The following NUDC variants were observed in gnomAD, a reference collection of about 807,000 sequenced individuals.
NUDC encodes nuclear migration protein nudC.
A neutral mutation model predicts 45.0 loss-of-function variants in NUDC; 14 were observed. The observed-to-expected ratio is 0.31, with a 90% CI of 0.21 to 0.49. The LOEUF (loss-of-function observed/expected upper bound fraction) is 0.49. Ranked by LOEUF, NUDC falls within the 20% of genes least tolerant of loss-of-function variation. NUDC has a pLI of 0.99. For missense variants in NUDC, 323 were observed against 426.2 expected (o/e 0.76, Z 2.13); for synonymous variants, 153 against 156.7 (o/e 0.98, Z 0.17).
At chr1:26,936,869 G>A (rs1291496870) in intron 2 of NUDC, among the ~76,000 whole-genome samples, 2 of 152,044 alleles carry the variant, frequency 1.3e-5, no homozygotes, top group East Asian at 3.9e-4. Flanking sequence ...CACCAACTGG[G>A]TATCCTACAA....
rs1413023028 is a variant in NUDC, at chr1:26,946,181, G to T, written c.996G>T (p.Ter332TyrextTer7). Residue 332 changes from the stop codon to tyrosine, a stop_lost, in exon 9 of 9, where the codon TAG becomes TAT. Transcript: ENST00000321265. The stretch of plus-strand genomic sequence containing the variant: ...ATTTTTCCAAGGCTAAATTCAACTA[G>T]CCCCTGTTTTTTCCTCCCTGAACTC... ...EMDFSKAKFN[*>Y] 6.2e-7 allele frequency: 1 copy of T among 1,612,544 alleles called. No homozygotes were observed. Among genetic ancestry groups the T allele is most frequent in the Admixed American group, 1.7e-5 (1 of 60,004 alleles).
At chr1:26,909,453 G>A (rs1455626423) in intron 2 of NUDC, among the ~76,000 whole-genome samples, 4 of 152,122 alleles carry the variant, frequency 2.6e-5, no homozygotes, top group Non-Finnish European at 5.9e-5. Flanking sequence ...CTGTTTGGAT[G>A]ATGGAAAAAA....
chr1:26,929,617 T>C (rs1350545879), intron 2 of NUDC: 4 of 275,290 alleles, frequency 1.5e-5, no homozygotes, highest in South Asian at 9.2e-5. Context: ...GGAACAAATC[T>C]TCGTGGGTAC....
rs570353327 is a variant in NUDC, at chr1:26,908,584, G to T, written c.-15-2544G>T. On this transcript the variant is annotated intron_variant, in intron 2 of 6. Transcript: ENST00000435827. Reference sequence around the variant, plus strand: ...TTGTTTTTTTATTTGTTTTGAGACAGGGTCTTGCTCTGTCACCCAGGCTGG... The same window carrying T: ...TTGTTTTTTTATTTGTTTTGAGACATGGTCTTGCTCTGTCACCCAGGCTGG... 2.6e-5 allele frequency among the ~76,000 whole-genome samples: 4 copies of T among 152,196 alleles called. No individual in the cohort carries two copies. In the South Asian group the frequency reaches 8.3e-4, roughly 32 times the overall value.
chr1:26,939,047 C>G (rs2082257244), intron 2 of NUDC, among the ~76,000 whole-genome samples: 1 of 152,164 alleles, frequency 6.6e-6, no homozygotes, highest in African/African-American at 2.4e-5. Flanking sequence ...GTTACCCAGG[C>G]TGGTGGCGCG....
intron 2 of NUDC, among the ~76,000 whole-genome samples, chr1:26,933,432 T>G (rs978750408): frequency 6.6e-6 from 1 of 152,068 alleles, no homozygotes; most frequent in Admixed American, 6.6e-5. Flanking sequence ...GTTTTTGTTT[T>G]AAGACAGTAT....
intron 1 of NUDC, chr1:26,900,421 C>A (rs146227320): frequency 4.9e-4 from 792 of 1,610,090 alleles, no homozygotes; most frequent in Non-Finnish European, 6.4e-4. Context: ...GCCTCCTCCT[C>A]CGCCTCGCCG....
chr1:26,921,124 TA>T (rs1318952390), upstream of NUDC, among the ~76,000 whole-genome samples: 1 of 152,186 alleles, frequency 6.6e-6, no homozygotes, highest in Non-Finnish European at 1.5e-5. Flanking sequence ...GTCCCCGCAT[TA>T]ACAGAAGTGA....
chr1:26,929,406 G>GA (rs201534196), intron 2 of NUDC, among the ~76,000 whole-genome samples: 40 of 134,230 alleles, frequency 3.0e-4, no homozygotes, highest in African/African-American at 9.5e-4. Context: ...GACCCCTTCT[G>GA]AAAAAACAAA....
intron 4 of NUDC, 124 bp from the exon 5 acceptor site, chr1:26,942,536 A>G (rs1270443667): frequency 7.1e-6 from 10 of 1,402,330 alleles, no homozygotes; most frequent in Non-Finnish European, 9.1e-6. Flanking sequence ...TGGAGTGGGC[A>G]GGGACCAGGT....
intron 2 of NUDC, among the ~76,000 whole-genome samples, chr1:26,910,134 C>T (rs569793177): frequency 6.6e-6 from 1 of 152,240 alleles, no homozygotes; most frequent in African/African-American, 2.4e-5. Flanking sequence ...CACTGTGTGC[C>T]CCACCCTCAG....
At position 26,942,937 on chromosome 1, in the gene NUDC, C is replaced by T. The variant is rs773981016; in HGVS notation, c.613C>T (p.Arg205Trp). The part of the protein sequence containing the change: ...GKDMVVDIQR[R>W]HLRVGLKGQP... ...GGACATGGTGGTGGACATCCAGCGG[C>T]GGCACCTCCGGGTGGGGCTCAAGGG... Residue 205 changes from arginine to tryptophan, a missense_variant, in exon 6 of 9, where the codon CGG becomes TGG. This residue lies in a region of NUDC where 245 missense variants were observed against 278.8 expected (regional missense o/e 0.88). Transcript: ENST00000321265. 6.2e-6 allele frequency: 10 copies of T among 1,613,998 alleles called. No homozygotes were observed. The highest frequency in any genetic ancestry group is 3.3e-5 in the Admixed American group (2 of 60,002).
In NUDC at chr1:26,946,298, A is replaced by G. The variant is rs930994155; in HGVS notation, c.*117A>G. The G allele has an allele frequency of 1.1e-6, 1 of 874,910 alleles. No homozygotes were observed. Among genetic ancestry groups the G allele is most frequent in the African/African-American group, 1.7e-5 (1 of 60,532 alleles). 54.2% of individuals were successfully genotyped at this position (874,910 alleles called of 1,614,324 possible). A position where few individuals can be genotyped will look rare whatever the true frequency, so the allele number is the denominator to read the frequency against. On this transcript the variant is annotated 3_prime_UTR_variant, in exon 9 of 9. Coordinates refer to ENST00000321265, the MANE Select transcript of NUDC (RefSeq NM_006600.4). Reference sequence around the variant, plus strand: ...CTTGGGGCAGGCATGGGACTGGCCCAGGCACACAGGTCCCGGGGCATCAGG... The same window carrying G: ...CTTGGGGCAGGCATGGGACTGGCCCGGGCACACAGGTCCCGGGGCATCAGG...
intron 2 of NUDC, 122 bp from the exon 3 acceptor site, chr1:26,941,335 A>G (rs2082274344): frequency 6.4e-6 from 6 of 934,104 alleles, no homozygotes; most frequent in South Asian, 5.8e-5. Context: ...CACATGAGGA[A>G]ACCGAGTTTC....
In NUDC at chr1:26,921,820, G is replaced by C. The variant is rs1474905690; in HGVS notation, c.-29G>C. The C allele has an allele frequency of 1.9e-6, 3 of 1,548,786 alleles. No homozygotes were observed. The highest frequency in any genetic ancestry group is 2.6e-6 in the Non-Finnish European group (3 of 1,146,046). On this transcript the variant is annotated 5_prime_UTR_variant, in exon 1 of 9. Coordinates refer to ENST00000321265, the MANE Select transcript of NUDC (RefSeq NM_006600.4). ...AGAGAGCGCGGGACTAGAGTGCAGA[G>C]CTCCGGGACGTGGATCGGAGCCGGC...
chr1:26,919,844 T>C (rs1371236093), upstream of NUDC, among the ~76,000 whole-genome samples: 4 of 152,194 alleles, frequency 2.6e-5, no homozygotes, highest in East Asian at 7.7e-4. Flanking sequence ...TTTAGAATTT[T>C]GCTTTTGCAT....
At chr1:26,933,970 T>C (rs571512168) in intron 2 of NUDC, among the ~76,000 whole-genome samples, 10 of 151,996 alleles carry the variant, frequency 6.6e-5, no homozygotes, top group East Asian at 3.9e-4. Context: ...CTGGCCAACA[T>C]GGTGAAACCC....
intron 4 of NUDC, 140 bp from the exon 5 acceptor site, chr1:26,942,520 C>A: frequency 1.6e-6 from 2 of 1,253,612 alleles, no homozygotes; most frequent in Admixed American, 1.8e-5. Context: ...GGGGTCTGCC[C>A]CTCTGTGGAG....
In NUDC at chr1:26,945,371, C is replaced by G; in HGVS notation, c.742-19C>G. The G allele has an allele frequency of 1.2e-6, 2 of 1,611,844 alleles. No individual in the cohort carries two copies. The highest frequency in any genetic ancestry group is 8.5e-7 in the Non-Finnish European group (1 of 1,178,100). On this transcript the variant is annotated intron_variant, in intron 6 of 8. Coordinates refer to ENST00000321265, the MANE Select transcript of NUDC (RefSeq NM_006600.4). Reference sequence around the variant, plus strand: ...CACAGAGCAGGCCACCTCCCACCCTCTGGTTGTTCTCTTCACAGATCAATA... The same window carrying G: ...CACAGAGCAGGCCACCTCCCACCCTGTGGTTGTTCTCTTCACAGATCAATA...
Sources: allele counts gnomAD v4.1 joint callset (sites outside exome capture counted in the v4.1 genomes callset), GRCh38; gene constraint gnomAD v4.1.1; regional missense constraint gnomAD v4.1.1; transcripts MANE v1.5; gene names NCBI Gene and HGNC (gene_info 2026-07-23, HGNC 2026-07-21).